PCDHA8: variants seen among roughly 807,000 people sequenced by gnomAD.
PCDHA8 encodes the protein protocadherin alpha-8.
In PCDHA8, 53 loss-of-function variants were observed where a neutral mutation model predicts 61.8. The observed-to-expected ratio is 0.86, with a 90% CI of 0.69 to 1.08. PCDHA8 has a LOEUF of 1.08. Among genes scored for constraint, PCDHA8 ranks in the 50% least tolerant of loss-of-function variants. PCDHA8 has a pLI of 0.00. For missense variants in PCDHA8, 1,293 were observed against 1,245.0 expected, an observed-to-expected ratio of 1.04 and a Z score of -0.58; for synonymous variants, 618 against 556.6, an observed-to-expected ratio of 1.11 and a Z score of -1.55.
chr5:140,850,953 C>A (rs2150503765), intron 1 of PCDHA8: 2 of 1,483,986 alleles, frequency 1.3e-6, no homozygotes, highest in Non-Finnish European at 1.8e-6. Context: ...TTATCGATTA[C>A]TCCCAGGGGC....
intron 3 of PCDHA8, among the ~76,000 whole-genome samples, chr5:140,999,049 A>C (rs962383659): frequency 1.3e-5 from 2 of 152,214 alleles, no homozygotes; most frequent in African/African-American, 4.8e-5. Flanking sequence ...TGTGCTTTCC[A>C]CCATGCCTAA....
Position 140,841,461 on chromosome 5 carries a change from G to A in PCDHA8, c.140G>A (p.Arg47Gln). The A allele has an allele frequency of 1.2e-6, 2 of 1,612,908 alleles. No individual in the cohort carries two copies. The highest frequency in any genetic ancestry group is 1.7e-6 in the Non-Finnish European group (2 of 1,179,832). The change falls in exon 1 of 4, where the codon CGG becomes CAG. Residue 47 changes from arginine to glutamine, a missense_variant. Coordinates refer to ENST00000531613, the MANE Select transcript of PCDHA8 (RefSeq NM_018911.3). ...GCCAAACACGGCACCTTCGTGGGCCGGATCGCGCAGGACCTGGGGCTGGAG... is the reference window on the plus strand; with the variant it reads ...GCCAAACACGGCACCTTCGTGGGCCAGATCGCGCAGGACCTGGGGCTGGAG... ...EEAKHGTFVG[R>Q]IAQDLGLELA... is the part of the protein sequence containing the mutation.
intron 1 of PCDHA8, chr5:140,852,195 C>T (rs2150513188): frequency 8.5e-6 from 6 of 709,164 alleles, no homozygotes; most frequent in African/African-American, 1.9e-5. Flanking sequence ...ATGCCAGTAA[C>T]GTTTATTTAA....
chr5:140,857,812 C>T lies in PCDHA8; in HGVS notation c.2394+14097C>T. ...TGCTGCGGTCGGTGGTTGCGGGTCACGTGGTGGCTAAGGTGCGCGCAGTGG... is the reference window on the plus strand; with the variant it reads ...TGCTGCGGTCGGTGGTTGCGGGTCATGTGGTGGCTAAGGTGCGCGCAGTGG... On this transcript the variant is annotated intron_variant, in intron 1 of 3. Transcript: ENST00000531613. 3.1e-6 allele frequency: 5 copies of T among 1,597,698 alleles called. 1 individual carries two copies. The highest frequency in any genetic ancestry group is 2.2e-5 in the East Asian group (1 of 44,814).
intron 1 of PCDHA8, chr5:140,882,471 C>A: frequency 6.2e-7 from 1 of 1,614,024 alleles, no homozygotes; most frequent in African/African-American, 1.3e-5. Flanking sequence ...CGGGTGGCGT[C>A]CAAAAGACAC....
Position 140,842,659 on chromosome 5 carries a change from C to T in PCDHA8, c.1338C>T (p.Ala446=). 11 of 1,595,302 alleles carry T rather than the reference C, an allele frequency of 6.9e-6. No homozygotes were observed. Among genetic ancestry groups the T allele is most frequent in the African/African-American group, 1.3e-5 (1 of 74,292 alleles). Residue 446 remains alanine (A), a synonymous_variant, in exon 1 of 4, where the codon GCC becomes GCT. Coordinates refer to ENST00000531613, the MANE Select transcript of PCDHA8 (RefSeq NM_018911.3). The part of the protein sequence containing the change: ...WATASLSVEV[A]DVNDNAPAFA... ...CCGCCAGCTTGTCTGTGGAGGTGGC[C>T]GACGTGAACGACAATGCTCCGGCGT...
intron 1 of PCDHA8, chr5:140,968,394 G>T: frequency 6.2e-7 from 1 of 1,613,940 alleles, no homozygotes; most frequent in Non-Finnish European, 8.5e-7. Context: ...GAGAAGTTTC[G>T]GGAGTTCTTT....
At chr5:140,873,963 T>G (rs1048862313) in intron 1 of PCDHA8, among the ~76,000 whole-genome samples, 2 of 152,206 alleles carry the variant, frequency 1.3e-5, no homozygotes, top group East Asian at 3.8e-4. Flanking sequence ...GCCCAGCCTA[T>G]TTTTTAAAAT....
At chr5:140,927,142 G>T (rs781883795) in intron 1 of PCDHA8, 1 of 1,614,128 alleles carries the variant, frequency 6.2e-7, no homozygotes, top group South Asian at 1.1e-5. Context: ...GGCGGACCGC[G>T]AACAGCTGTG....
At chr5:140,978,922 C>A (rs569091265) in intron 1 of PCDHA8, 27 bp from the exon 2 acceptor site, 7 of 1,613,966 alleles carry the variant, frequency 4.3e-6, no homozygotes, top group Non-Finnish European at 5.1e-6. Context: ...GTCATTTTAA[C>A]AGAAAACTCT....
intron 1 of PCDHA8, among the ~76,000 whole-genome samples, chr5:140,939,338 G>A (rs2092369072): frequency 6.6e-6 from 1 of 152,116 alleles, no homozygotes; most frequent in South Asian, 2.1e-4. Context: ...TTAGGGGTTA[G>A]CATTTCAACT....
chr5:140,943,571 G>A (rs1164273913), intron 1 of PCDHA8, among the ~76,000 whole-genome samples: 4 of 152,152 alleles, frequency 2.6e-5, no homozygotes, highest in Admixed American at 2.6e-4. Context: ...ATTTTAATTT[G>A]TTGATCTGAG....
intron 1 of PCDHA8, chr5:140,877,139 T>C (rs781891057): frequency 8.7e-6 from 14 of 1,613,764 alleles, no homozygotes; most frequent in Admixed American, 1.7e-5. Context: ...GTGTTCGTGC[T>C]GGACGAGAAC....
chr5:140,993,509 C>CAT (rs1488940144), intron 3 of PCDHA8, among the ~76,000 whole-genome samples: 3 of 143,600 alleles, frequency 2.1e-5, no homozygotes, highest in African/African-American at 7.8e-5. Flanking sequence ...CACACACACA[C>CAT]GGGGAGAGAG....
At chr5:141,005,488 G>A (rs138290389) in intron 3 of PCDHA8, among the ~76,000 whole-genome samples, 2,990 of 151,856 alleles carry the variant, frequency 0.02, 115 homozygotes, top group African/African-American at 0.068. Flanking sequence ...CGGATCATGA[G>A]GTCAGGAGAT....
At chr5:140,955,190 A>G (rs1269758289) in intron 1 of PCDHA8, among the ~76,000 whole-genome samples, 2 of 152,050 alleles carry the variant, frequency 1.3e-5, no homozygotes, top group Admixed American at 6.6e-5. Flanking sequence ...TGTGGTGTAT[A>G]TGAAGTCAAT....
At chr5:140,966,821 C>T (rs1554228738) in intron 1 of PCDHA8, 1 of 1,557,928 alleles carries the variant, frequency 6.4e-7, no homozygotes, top group Admixed American at 1.9e-5. Flanking sequence ...GCTCCGGCGG[C>T]CCATGCCCTG....
intron 1 of PCDHA8, chr5:140,883,468 C>A: frequency 6.2e-7 from 1 of 1,614,164 alleles, no homozygotes; most frequent in South Asian, 1.1e-5. Context: ...TGGTGTCCAC[C>A]TACAAGAACT....
At chr5:140,954,781 T>A (rs1312700733) in intron 1 of PCDHA8, among the ~76,000 whole-genome samples, 1 of 152,208 alleles carries the variant, frequency 6.6e-6, no homozygotes, top group Non-Finnish European at 1.5e-5. Flanking sequence ...TTTAATTAGA[T>A]CTCATTTGTC....
Sources: gnomAD v4.1 joint callset for allele counts (sites outside exome capture counted in the v4.1 genomes callset) on GRCh38, gnomAD v4.1.1 for gene constraint, MANE v1.5 for transcripts, NCBI Gene and HGNC (gene_info 2026-07-23, HGNC 2026-07-21) for gene names.